The following PMFBP1 variants were observed in gnomAD, a reference collection of about 807,000 sequenced individuals.
PMFBP1 encodes the protein polyamine-modulated factor 1-binding protein 1.
Under a neutral mutation model 137.8 loss-of-function variants are expected in PMFBP1, and 131 were observed. The ratio of observed to expected loss-of-function variants is 0.95; its 90% CI spans 0.82 to 1.10. PMFBP1 has a LOEUF of 1.10. Ranked by LOEUF, PMFBP1 falls within the 50% of genes least tolerant of loss-of-function variation. The pLI, the probability that PMFBP1 is intolerant of heterozygous loss-of-function variation, is 0.00. For synonymous variants in PMFBP1, 490 were observed against 450.4 expected (o/e 1.09, Z -1.11); for missense variants, 1,199 against 1,175.4 (o/e 1.02, Z -0.29).
chr16:72,231,623 T>C, the PMFBP1 span, among the ~76,000 whole-genome samples: 3 of 152,146 alleles, frequency 2.0e-5, no homozygotes, highest in East Asian at 1.9e-4. Context: ...CCAAACATTA[T>C]GGACTAATAT....
chr16:72,194,464 C>T, the PMFBP1 span, among the ~76,000 whole-genome samples: 8 of 152,226 alleles, frequency 5.3e-5, no homozygotes, highest in Middle Eastern at 3.4e-3. Flanking sequence ...GCATCCTGGG[C>T]CTTTGTGGCT....
In PMFBP1 at chr16:72,128,732, A is replaced by T. The variant is rs1371565477; in HGVS notation, c.2013T>A (p.Cys671Ter). 1 of 1,614,134 alleles carries T rather than the reference A, an allele frequency of 6.2e-7. No individual in the cohort carries two copies. The highest frequency in any genetic ancestry group is 1.1e-5 in the South Asian group (1 of 91,072). ...ENENLRAELQ[C>*]CSTQLESSLN... is the part of the protein sequence containing the mutation. ...GAGAGGATTCCAGTTGTGTAGAACA[A>T]CACTGTAGCTCTGCTCGGAGATTCT... is the stretch of plus-strand genomic sequence containing the variant. The change falls in exon 14 of 21, where the codon TGT becomes TGA. Residue 671 changes from cysteine to a stop codon, truncating the protein, a stop_gained. Coordinates refer to ENST00000237353, the MANE Select transcript of PMFBP1 (RefSeq NM_031293.3). LOFTEE classifies it high-confidence loss of function.
At chr16:72,129,638 A>C (rs997062593) in intron 12 of PMFBP1, among the ~76,000 whole-genome samples, 84 of 152,250 alleles carry the variant, frequency 5.5e-4, no homozygotes, top group African/African-American at 1.9e-3. Flanking sequence ...CACTATTTAA[A>C]AAATAAATAA....
chr16:72,204,185 T>C, the PMFBP1 span, among the ~76,000 whole-genome samples: 2 of 143,392 alleles, frequency 1.4e-5, no homozygotes, highest in African/African-American at 5.8e-5. Context: ...TTGTTACTCA[T>C]GCGCATTTTT....
rs2043121862 is a variant in PMFBP1 at position 72,164,845 on chromosome 16, A to G, written c.84T>C (p.Asn28=). 2.5e-6 allele frequency: 4 copies of G among 1,610,190 alleles called. No individual in the cohort carries two copies. Among genetic ancestry groups the G allele is most frequent in the South Asian group, 2.2e-5 (2 of 90,988 alleles). ...KLLSLQLDIK[N]LHDVCKRQRK... ...TCTGTCTCTTGCAGACATCGTGCAG[A>G]TTCTTGATGTCAAGTTGCAGGCTTA... The change falls in exon 3 of 21, where the codon AAT becomes AAC. Residue 28 remains asparagine, a synonymous_variant. Coordinates refer to ENST00000237353, the MANE Select transcript of PMFBP1 (RefSeq NM_031293.3).
At chr16:72,140,204 T>C (rs2042695341) in intron 6 of PMFBP1, among the ~76,000 whole-genome samples, 1 of 152,214 alleles carries the variant, frequency 6.6e-6, no homozygotes, top group Non-Finnish European at 1.5e-5. Flanking sequence ...GTGTGAGAGA[T>C]TTTAAGATTC....
the PMFBP1 span, among the ~76,000 whole-genome samples, chr16:72,194,138 T>A: frequency 6.6e-6 from 1 of 152,358 alleles, no homozygotes; most frequent in Non-Finnish European, 1.5e-5. Context: ...CTGGACCTGC[T>A]GATTTACATA....
chr16:72,228,144 G>T, the PMFBP1 span, among the ~76,000 whole-genome samples: 1 of 152,080 alleles, frequency 6.6e-6, no homozygotes, highest in Non-Finnish European at 1.5e-5. Context: ...TTGGGTTGTG[G>T]CAGGGGTGGG....
chr16:72,140,583 C>G lies in PMFBP1; in HGVS notation c.637-1G>C. The G allele has an allele frequency of 6.2e-7, 1 of 1,609,510 alleles. No individual in the cohort carries two copies. The highest frequency in any genetic ancestry group is 8.5e-7 in the Non-Finnish European group (1 of 1,177,072). On this transcript the variant is annotated splice_acceptor_variant, in intron 5 of 20. Transcript: ENST00000237353. LOFTEE classifies it high-confidence loss of function. ...AATGATCACCCTTGTTCTCAGGCTC[C>G]TGAGAGATTTAAAAATAATGGGTTG... is the stretch of plus-strand genomic sequence containing the variant.
chr16:72,197,735 A>G, the PMFBP1 span, among the ~76,000 whole-genome samples: 1 of 152,116 alleles, frequency 6.6e-6, no homozygotes, highest in East Asian at 1.9e-4. Context: ...CCTGCTGAGG[A>G]TTGACTAAGA....
chr16:72,128,597 T>C, intron 14 of PMFBP1, 60 bp downstream of exon 14: 1 of 1,613,426 alleles, frequency 6.2e-7, no homozygotes. Context: ...GGGTACAGAT[T>C]TCAGGTCAAG....
chr16:72,214,640 T>A, the PMFBP1 span, among the ~76,000 whole-genome samples: 4 of 152,176 alleles, frequency 2.6e-5, no homozygotes, highest in Non-Finnish European at 5.9e-5. Flanking sequence ...AGCATAATGA[T>A]GGAAATGCAT....
chr16:72,131,290 G>C (rs554826814), intron 10 of PMFBP1, among the ~76,000 whole-genome samples: 2 of 152,320 alleles, frequency 1.3e-5, no homozygotes, highest in African/African-American at 4.8e-5. Flanking sequence ...AAGTGGGGAG[G>C]AATGGTGGGC....
chr16:72,212,483 GAAAA>G, the PMFBP1 span, among the ~76,000 whole-genome samples: 1 of 132,690 alleles, frequency 7.5e-6, no homozygotes, highest in Non-Finnish European at 1.6e-5. Context: ...GGTTGTATTG[GAAAA>G]AAAAAAAAAA....
intron 9 of PMFBP1, among the ~76,000 whole-genome samples, chr16:72,135,124 T>G (rs3852782): frequency 0.61 from 92,574 of 152,032 alleles, 29,280 homozygotes; most frequent in African/African-American, 0.77. Context: ...CCTCTGTGCC[T>G]TGAAACAGGA....
the PMFBP1 span, among the ~76,000 whole-genome samples, chr16:72,233,393 T>C: frequency 2.0e-5 from 3 of 152,146 alleles, no homozygotes; most frequent in African/African-American, 7.2e-5. Flanking sequence ...GAGATGGTCA[T>C]CCTACATCTT....
the PMFBP1 span, among the ~76,000 whole-genome samples, chr16:72,249,717 C>A: frequency 6.6e-6 from 1 of 150,984 alleles, no homozygotes; most frequent in Non-Finnish European, 1.5e-5. Context: ...GAGATTGAGA[C>A]CATCCTGGCT....
the PMFBP1 span, among the ~76,000 whole-genome samples, chr16:72,231,224 C>T: frequency 6.6e-6 from 1 of 152,098 alleles, no homozygotes. Context: ...GGATCATTTA[C>T]GAAAGCCTAT....
At chr16:72,152,459 G>T (rs1299954714) in intron 4 of PMFBP1, among the ~76,000 whole-genome samples, 1 of 152,094 alleles carries the variant, frequency 6.6e-6, no homozygotes, top group East Asian at 1.9e-4. Context: ...AAGGTGTTGT[G>T]GCTTCCGGAA....
Sources: allele counts gnomAD v4.1 joint callset (sites outside exome capture counted in the v4.1 genomes callset), GRCh38; gene constraint gnomAD v4.1.1; transcripts MANE v1.5; gene names NCBI Gene and HGNC (gene_info 2026-07-23, HGNC 2026-07-21).